The following GPRC5C variants were observed in gnomAD, a reference collection of about 807,000 sequenced individuals.
GPRC5C encodes G protein-coupled receptor class C group 5 member C.
A neutral mutation model predicts 31.4 loss-of-function variants in GPRC5C; 22 were observed. The ratio of observed to expected loss-of-function variants is 0.70; its 90% CI spans 0.50 to 1.00. The LOEUF is 1.00. Ranked by LOEUF, GPRC5C falls within the 50% of genes least tolerant of loss-of-function variation. The pLI is 0.00. For missense variants in GPRC5C, 557 were observed against 597.2 expected, an observed-to-expected ratio of 0.93 and a Z score of 0.70; for synonymous variants, 249 against 257.5, an observed-to-expected ratio of 0.97 and a Z score of 0.32.
chr17:74,440,544 G>T lies in GPRC5C; in HGVS notation c.768G>T (p.Trp256Cys). 6.2e-7 allele frequency: 1 copy of T among 1,614,202 alleles called. No homozygotes were observed. Among genetic ancestry groups the T allele is most frequent in the Non-Finnish European group, 8.5e-7 (1 of 1,180,030 alleles). ...CCACAGCCACCTCCGTTGCCATATG[G>T]GTGGTGTGGATCGTCATGTATACTT... is the stretch of plus-strand genomic sequence containing the variant. Reference protein sequence around the residue: ...LLTTATSVAIWVVWIVMYTYG... With the variant: ...LLTTATSVAICVVWIVMYTYG... The change falls in exon 2 of 4, where the codon TGG (tryptophan) becomes TGT (cysteine). Residue 256 changes from tryptophan to cysteine, a missense_variant. Transcript: ENST00000392627. This position sits in a 1 kb window ranked among gnomAD's most constrained non-coding sequence, Gnocchi z 4.4.
chr17:74,432,390 C>G, intron 1 of GPRC5C: 1 of 1,295,518 alleles, frequency 7.7e-7, no homozygotes, highest in Non-Finnish European at 9.8e-7. Flanking sequence ...CCGGCCCGGG[C>G]CCCGCCATCC....
intron 3 of GPRC5C, chr17:74,445,297 G>C (rs1305461289): frequency 6.6e-6 from 1 of 152,216 alleles, no homozygotes; most frequent in Admixed American, 6.6e-5. Flanking sequence ...GATGGGGCGG[G>C]GCCAGAGCTG....
At chr17:74,432,384 C>G in intron 1 of GPRC5C, 2 of 1,304,592 alleles carry the variant, frequency 1.5e-6, no homozygotes, top group Non-Finnish European at 1.9e-6. Context: ...TGCGTCCCGG[C>G]CCGGGCCCCG....
At chr17:74,437,583 G>A (rs1001761461) in intron 1 of GPRC5C, among the ~76,000 whole-genome samples, 2 of 149,276 alleles carry the variant, frequency 1.3e-5, no homozygotes, top group African/African-American at 5.1e-5. Context: ...GAGTTGCATT[G>A]CCCCTGATTT....
At position 74,447,103 on chromosome 17, in the gene GPRC5C, A is replaced by G. The variant is rs1383362364; in HGVS notation, c.*75A>G. The G allele has an allele frequency of 1.2e-5, 18 of 1,528,252 alleles. No individual in the cohort carries two copies. The Admixed American group carries it at 1.8e-4, about 16-fold the overall frequency. 94.7% of individuals were successfully genotyped at this position (1,528,252 alleles called of 1,614,324 possible). A position where few individuals can be genotyped will look rare whatever the true frequency, so the allele number is the denominator to read the frequency against. On this transcript the variant is annotated 3_prime_UTR_variant, in exon 4 of 4. Transcript: ENST00000392627. ...CCTGGCCCCGGGCAAGGGACTCTCC[A>G]GGCTCCTCCTCCCCCTGGCAGGCCC...
rs1345356234 is a variant in GPRC5C at position 74,433,804 on chromosome 17, T to G, written c.-33+1663T>G. On this transcript the variant is annotated intron_variant, in intron 1 of 3. Transcript: ENST00000392627. The stretch of plus-strand genomic sequence containing the variant: ...CCCTGTGACGCGCTGGAGCTCTCTT[T>G]CCAGTGCGGTATCCTTGGCCCTGGT... 3 of 1,359,226 alleles carry G rather than the reference T, an allele frequency of 2.2e-6. No homozygotes were observed. The East Asian group carries it at 6.9e-5, about 31-fold the overall frequency. 84.2% of individuals were successfully genotyped at this position (1,359,226 alleles called of 1,614,324 possible). A position where few individuals can be genotyped will look rare whatever the true frequency, so the allele number is the denominator to read the frequency against.
At chr17:74,442,583 ACTTT>A (rs1465223572) in intron 2 of GPRC5C, among the ~76,000 whole-genome samples, 1 of 152,160 alleles carries the variant, frequency 6.6e-6, no homozygotes, top group African/African-American at 2.4e-5. Context: ...GGGGCTTCAG[ACTTT>A]CTTAACTGCC....
chr17:74,446,796 G>T, intron 3 of GPRC5C, 53 bp from the exon 4 acceptor site: 1 of 1,425,794 alleles, frequency 7.0e-7, no homozygotes, highest in Non-Finnish European at 9.8e-7. Context: ...ATCCGCCCCG[G>T]CGGAACCTGG....
chr17:74,438,475 G>T lies in GPRC5C; in HGVS notation c.-32-1270G>T, dbSNP rs190315270. Among the ~76,000 whole-genome samples the T allele has an allele frequency of 4.9e-4, 74 of 151,938 alleles. 1 individual carries two copies. The East Asian group carries it at 0.012, about 24-fold the overall frequency. On this transcript the variant is annotated intron_variant, in intron 1 of 3. Coordinates refer to ENST00000392627, the MANE Select transcript of GPRC5C (RefSeq NM_022036.4). ...GGGGTTTCACCATTTTGGCCGGGCT[G>T]GTCTCGAACTCCTGACCTCAAGTGA...
rs764634743 is a variant in GPRC5C at position 74,440,717 on chromosome 17, G to A, written c.941G>A (p.Gly314Glu). 21 of 1,604,360 alleles carry A rather than the reference G, an allele frequency of 1.3e-5. No individual in the cohort carries two copies. Among genetic ancestry groups the A allele is most frequent in the East Asian group, 2.2e-5 (1 of 44,574 alleles). Residue 314 changes from glycine to glutamate, a missense_variant, in exon 2 of 4, where the codon GGG (glycine) becomes GAG (glutamate). Physicochemically the swap from Gly to Glu is moderately conservative, Grantham distance 98 (BLOSUM62 -2). Coordinates refer to ENST00000392627, the MANE Select transcript of GPRC5C (RefSeq NM_022036.4). The surrounding 1 kb of genome is among the most constrained non-coding windows in gnomAD (Gnocchi z 4.4). ...TCCAGCCCAGAGCAAAGCTACCAGGGGGACATGTACCCCACCCGGGGCGTG... is the reference window on the plus strand; with the variant it reads ...TCCAGCCCAGAGCAAAGCTACCAGGAGGACATGTACCCCACCCGGGGCGTG... ...TKSSPEQSYQGDMYPTRGVGY... is the reference protein window; with the variant it reads ...TKSSPEQSYQEDMYPTRGVGY...
Position 74,442,222 on chromosome 17 carries a change from C to T in GPRC5C, c.1051+1395C>T, listed in dbSNP as rs907077850. ...TTCACTATGTTGGCCAGGCTGGTCTCGAACTGCTAACCTCAAGTGATCCGC... is the reference window on the plus strand; with the variant it reads ...TTCACTATGTTGGCCAGGCTGGTCTTGAACTGCTAACCTCAAGTGATCCGC... On this transcript the variant is annotated intron_variant, in intron 2 of 3. Transcript: ENST00000392627. Among the ~76,000 whole-genome samples, 9 of 152,286 alleles carry T rather than the reference C, an allele frequency of 5.9e-5. No homozygotes were observed. In the East Asian group the frequency reaches 7.7e-4, roughly 13 times the overall value.
intron 2 of GPRC5C, among the ~76,000 whole-genome samples, chr17:74,442,519 G>A (rs1009517844): frequency 5.3e-5 from 8 of 152,136 alleles, no homozygotes; most frequent in African/African-American, 9.7e-5. Context: ...AAATTTGGGG[G>A]TGCCATCTCA....
intron 1 of GPRC5C, chr17:74,432,506 G>A (rs1244820519): frequency 9.8e-7 from 1 of 1,016,994 alleles, no homozygotes; most frequent in Non-Finnish European, 1.2e-6. Context: ...CTGGAGCGGG[G>A]CCGGCGGCGA....
At chr17:74,443,620 G>A (rs1341216563) in intron 2 of GPRC5C, 198 bp from the exon 3 acceptor site, 3 of 695,582 alleles carry the variant, frequency 4.3e-6, no homozygotes, top group Non-Finnish European at 7.9e-6. Flanking sequence ...GTACAAAGGG[G>A]TGCTAGGCTT....
At chr17:74,432,203 T>C in intron 1 of GPRC5C, 62 bp downstream of exon 1, 11 of 1,566,640 alleles carry the variant, frequency 7.0e-6, no homozygotes, top group Non-Finnish European at 8.6e-6. Context: ...CGCACGTACC[T>C]GGAGCGCGGC....
chr17:74,440,286 C>T lies in GPRC5C; in HGVS notation c.510C>T (p.Ile170=). ...ALLLTLVEVI[I]NTEWLIITLV... is the part of the protein sequence containing the mutation. ...TGCTGACCCTGGTAGAGGTCATCAT[C>T]AATACAGAGTGGCTGATCATCACCC... is the stretch of plus-strand genomic sequence containing the variant. The change falls in exon 2 of 4, where the codon ATC becomes ATT. Residue 170 remains isoleucine (I), a synonymous_variant. Coordinates refer to ENST00000392627, the MANE Select transcript of GPRC5C (RefSeq NM_022036.4). The surrounding 1 kb of genome is among the most constrained non-coding windows in gnomAD (Gnocchi z 4.4). The T allele has an allele frequency of 1.2e-6, 2 of 1,614,196 alleles. No homozygotes were observed. The highest frequency in any genetic ancestry group is 1.7e-6 in the Non-Finnish European group (2 of 1,180,018).
chr17:74,451,592 T>C (rs2055713976), downstream of GPRC5C: 1 of 152,100 alleles, frequency 6.6e-6, no homozygotes, highest in Non-Finnish European at 1.5e-5. Context: ...CCGAGGACTT[T>C]GGACTTAATA....
Position 74,438,354 on chromosome 17 carries a change from G to A in GPRC5C, c.-32-1391G>A, listed in dbSNP as rs543994311. On this transcript the variant is annotated intron_variant, in intron 1 of 3. Coordinates refer to ENST00000392627, the MANE Select transcript of GPRC5C (RefSeq NM_022036.4). ...TGGCTCACTGCAACTTCCACCTCCC[G>A]GGCTCAAGCAATTCTCCTGCCTCAG... is the stretch of plus-strand genomic sequence containing the variant. 5.3e-4 allele frequency among the ~76,000 whole-genome samples: 80 copies of A among 150,696 alleles called. No homozygotes were observed. The Middle Eastern group carries it at 0.014, about 26-fold the overall frequency.
intron 1 of GPRC5C, among the ~76,000 whole-genome samples, chr17:74,433,972 TTGGGCCTC>T (rs1196683390): frequency 1.3e-5 from 2 of 152,152 alleles, no homozygotes; most frequent in Admixed American, 6.5e-5. Context: ...TCAGGGCTGC[TTGGGCCTC>T]TGGGCCTCTG....
Sources: gnomAD v4.1 joint callset for allele counts (sites outside exome capture counted in the v4.1 genomes callset) on GRCh38, gnomAD v4.1.1 for gene constraint, Gnocchi (gnomAD v3.1) non-coding constraint, MANE v1.5 for transcripts, NCBI Gene and HGNC (gene_info 2026-07-23, HGNC 2026-07-21) for gene names.